Variants in OR3A2 observed in about 807,000 individuals in gnomAD.
The protein encoded by OR3A2 is olfactory receptor family 3 subfamily A member 2.
For synonymous variants in OR3A2, 126 were observed against 159.3 expected, an observed-to-expected ratio of 0.79 and a Z score of 1.57; for missense variants, 318 against 392.8, an observed-to-expected ratio of 0.81 and a Z score of 1.61.
intron 3 of OR3A2, among the ~76,000 whole-genome samples, chr17:3,328,962 A>G (rs1455900530): frequency 6.6e-6 from 1 of 151,428 alleles, no homozygotes; most frequent in Admixed American, 6.6e-5. Context: ...GCATCTATTG[A>G]GATAATCATG....
intron 2 of OR3A2, among the ~76,000 whole-genome samples, chr17:3,346,312 G>A (rs1162449297): frequency 2.6e-5 from 4 of 152,110 alleles, no homozygotes; most frequent in African/African-American, 7.2e-5. Context: ...TTTTGATATA[G>A]GCAGGCAATG....
chr17:3,296,142 AAAT>A (rs1432104649), intron 3 of OR3A2, among the ~76,000 whole-genome samples: 1 of 152,180 alleles, frequency 6.6e-6, no homozygotes, highest in Non-Finnish European at 1.5e-5. Flanking sequence ...TCAAAAGAAC[AAAT>A]AATACAAACA....
At chr17:3,315,755 G>A (rs773621338) in intron 3 of OR3A2, among the ~76,000 whole-genome samples, 22,900 of 141,320 alleles carry the variant, frequency 0.16, 2,640 homozygotes, top group African/African-American at 0.3. Flanking sequence ...AAAATATGGG[G>A]GGGGGGGCGG....
chr17:3,305,055 T>C (rs1259853421), intron 3 of OR3A2, among the ~76,000 whole-genome samples: 1 of 152,228 alleles, frequency 6.6e-6, no homozygotes, highest in Non-Finnish European at 1.5e-5. Flanking sequence ...GGCAATGTTC[T>C]GTATTTTGGT....
chr17:3,308,114 A>G (rs2049011303), intron 3 of OR3A2, among the ~76,000 whole-genome samples: 1 of 152,220 alleles, frequency 6.6e-6, no homozygotes, highest in Non-Finnish European at 1.5e-5. Flanking sequence ...GTACTTGGAA[A>G]CATTTTGACA....
At chr17:3,279,923 A>T (rs1017403680) in intron 1 of OR3A2, among the ~76,000 whole-genome samples, 14 of 152,214 alleles carry the variant, frequency 9.2e-5, no homozygotes, top group Non-Finnish European at 1.3e-4. Context: ...CCAGCCAAGT[A>T]CATTTCTTCA....
intron 2 of OR3A2, among the ~76,000 whole-genome samples, chr17:3,338,159 T>A (rs976171102): frequency 6.6e-6 from 1 of 152,226 alleles, no homozygotes. Flanking sequence ...TCTTTGTAGA[T>A]TCTGGACATT....
chr17:3,311,207 C>T lies in OR3A2; in HGVS notation c.-85+24826G>A, dbSNP rs771559813. 6.9e-5 allele frequency: 37 copies of T among 536,574 alleles called. 1 individual carries two copies. In the East Asian group the frequency reaches 7.6e-4, roughly 11 times the overall value. The allele number at this position is 536,574 out of a possible 1,614,324, so 33.2% of individuals were successfully genotyped here. ...TCATCTACTGGACATCTCTGCTGGA[C>T]GTCGGGTGCATCAGTCACTGTTCCT... On this transcript the variant is annotated intron_variant, in intron 3 of 4. Coordinates refer to the OR3A2 transcript ENST00000573491. This position sits in a 1 kb window ranked among gnomAD's most constrained non-coding sequence, Gnocchi z 4.6.
At chr17:3,331,297 T>G (rs1362820170) in intron 3 of OR3A2, among the ~76,000 whole-genome samples, 1 of 152,136 alleles carries the variant, frequency 6.6e-6, no homozygotes, top group Non-Finnish European at 1.5e-5. Context: ...CTGGATAACA[T>G]CCTGCAGAGT....
chr17:3,356,341 T>A (rs2049465817), intron 2 of OR3A2, among the ~76,000 whole-genome samples: 1 of 151,540 alleles, frequency 6.6e-6, no homozygotes, highest in African/African-American at 2.4e-5. Context: ...TACCTTCAGA[T>A]AATTTTTCCT....
chr17:3,369,454 G>T (rs1337881051), intron 2 of OR3A2, among the ~76,000 whole-genome samples: 1 of 152,114 alleles, frequency 6.6e-6, no homozygotes, highest in Admixed American at 6.5e-5. Flanking sequence ...AAAGGATGCT[G>T]GATTTTGTCA....
chr17:3,363,016 GGACCTGGCCCAT>G (rs2049531082), intron 2 of OR3A2, among the ~76,000 whole-genome samples: 1 of 151,862 alleles, frequency 6.6e-6, no homozygotes, highest in Admixed American at 6.6e-5. Flanking sequence ...GTGGGGGCCT[GGACCTGGCCCAT>G]GACACCATTT....
At chr17:3,338,684 T>C (rs1039415200) in intron 2 of OR3A2, among the ~76,000 whole-genome samples, 2 of 152,204 alleles carry the variant, frequency 1.3e-5, no homozygotes, top group Non-Finnish European at 2.9e-5. Context: ...CCGTGTAGTA[T>C]AGTTTGAAGT....
chr17:3,334,556 T>C (rs902167993), intron 3 of OR3A2, among the ~76,000 whole-genome samples: 1 of 152,194 alleles, frequency 6.6e-6, no homozygotes, highest in African/African-American at 2.4e-5. Context: ...GAAATTTCCG[T>C]CATTACTCTC....
chr17:3,346,653 T>C (rs186508942), intron 2 of OR3A2, among the ~76,000 whole-genome samples: 6 of 152,160 alleles, frequency 3.9e-5, no homozygotes, highest in East Asian at 1.9e-4. Flanking sequence ...ATGGTTTTTT[T>C]TTTTGTACCC....
In OR3A2 at chr17:3,367,599, G is replaced by GTATATATAATATATATATATATATA. The variant is rs201439962; in HGVS notation, c.-179+16204_-179+16205insTATATATATATATATATTATATATA. Among the ~76,000 whole-genome samples the GTATATATAATATATATATATATATA allele has an allele frequency of 4.9e-4, 42 of 85,958 alleles. 1 individual carries two copies. Among genetic ancestry groups the GTATATATAATATATATATATATATA allele is most frequent in the African/African-American group, 2.0e-3 (40 of 19,802 alleles). 56.4% of individuals were successfully genotyped at this position (85,958 alleles called of 152,430 possible). On this transcript the variant is annotated intron_variant, in intron 2 of 4. Coordinates refer to the OR3A2 transcript ENST00000573491. ...GGTGTATATGTATATGTGTGTGTGTGTGTATATATATATATATATATATGC... is the reference window on the plus strand; with the variant it reads ...GGTGTATATGTATATGTGTGTGTGTGTATATATAATATATATATATATATATGTATATATATATATATATATATGC...
exon 2 of OR3A2, chr17:3,277,813 T>G: frequency 1.3e-6 from 1 of 769,010 alleles, no homozygotes; most frequent in Non-Finnish European, 2.1e-6. Flanking sequence ...AATGAATAAA[T>G]TATGTAGGGT....
At chr17:3,276,607 C>G (rs1428535801), downstream of OR3A2, among the ~76,000 whole-genome samples, 2 of 152,152 alleles carry the variant, frequency 1.3e-5, no homozygotes, top group Non-Finnish European at 2.9e-5. Context: ...CCAGGAACTA[C>G]ATTTATGGGT....
intron 1 of OR3A2, 70 bp downstream of exon 4, chr17:3,279,006 C>A: frequency 6.4e-7 from 1 of 1,553,866 alleles, no homozygotes; most frequent in South Asian, 1.3e-5. Context: ...CATTTATGTT[C>A]AAAGCCCCGT....
Sources: allele counts gnomAD v4.1 joint callset (sites outside exome capture counted in the v4.1 genomes callset), GRCh38; gene constraint gnomAD v4.1.1; non-coding constraint Gnocchi (gnomAD v3.1); transcripts MANE v1.5; gene names NCBI Gene and HGNC (gene_info 2026-07-23, HGNC 2026-07-21).